MRPL42: variants seen among roughly 807,000 people sequenced by gnomAD.
The protein encoded by MRPL42 is mitochondrial ribosomal protein L42, also known as large ribosomal subunit protein mL42.
A neutral mutation model predicts 17.9 loss-of-function variants in MRPL42; 17 were observed. The ratio of observed to expected loss-of-function variants is 0.95; its 90% confidence interval spans 0.65 to 1.42. The LOEUF (loss-of-function observed/expected upper bound fraction) is 1.42, where lower values mean the gene tolerates loss of function less well. Among genes scored for constraint, MRPL42 ranks in the 40% most tolerant of loss-of-function variants. The probability of loss-of-function intolerance (pLI) is 0.00; values close to 1 mark genes in which losing one functional copy is unlikely to be tolerated. For missense variants in MRPL42, 177 were observed against 175.2 expected, an observed-to-expected ratio of 1.01 and a Z score of -0.06; for synonymous variants, 59 against 54.4, an observed-to-expected ratio of 1.08 and a Z score of -0.37.
rs1190234507 is a variant in MRPL42, at chr12:93,505,285, G to A, written c.*4064G>A. On this transcript the variant is annotated 3_prime_UTR_variant, in exon 6 of 6. Coordinates refer to ENST00000549982, the MANE Select transcript of MRPL42 (RefSeq NM_014050.4). The stretch of plus-strand genomic sequence containing the variant: ...AATTTTTAAGAAAAAAAGATATAAT[G>A]TGCCATCATTTTGGATGGTTCTGGG... 6.6e-6 allele frequency: 1 copy of A among 152,150 alleles called. No individual in the cohort carries two copies. The highest frequency in any genetic ancestry group is 1.9e-4 in the East Asian group (1 of 5,192). 9.4% of individuals were successfully genotyped at this position (152,150 alleles called of 1,614,324 possible). A position where few individuals can be genotyped will look rare whatever the true frequency, so the allele number is the denominator to read the frequency against.
At position 93,501,159 on chromosome 12, in the gene MRPL42, A is replaced by G. The variant is rs772650721; in HGVS notation, c.384-17A>G. 1 of 1,567,542 alleles carries G rather than the reference A, an allele frequency of 6.4e-7. No individual in the cohort carries two copies. Among genetic ancestry groups the G allele is most frequent in the South Asian group, 1.2e-5 (1 of 84,050 alleles). On this transcript the variant is annotated splice_polypyrimidine_tract_variant and intron_variant, in intron 5 of 5. Coordinates refer to ENST00000549982, the MANE Select transcript of MRPL42 (RefSeq NM_014050.4). ...TTATTAAAATCATCTTATTCCAAGT[A>G]TTTTCTTCTTTTCAAGGTATCACAG... is the stretch of plus-strand genomic sequence containing the variant.
At position 93,501,695 on chromosome 12, in the gene MRPL42, T is replaced by G. The variant is rs1043925747; in HGVS notation, c.*474T>G. The stretch of plus-strand genomic sequence containing the variant: ...ATGATAAGTTGAGAAACATCTCTTT[T>G]TGTGTGTCTACTGTGATTTAAGTAT... On this transcript the variant is annotated 3_prime_UTR_variant, in exon 6 of 6. Transcript: ENST00000549982. 5 of 152,272 alleles carry G rather than the reference T, an allele frequency of 3.3e-5. No individual in the cohort carries two copies. The highest frequency in any genetic ancestry group is 1.2e-4 in the African/African-American group (5 of 41,456). 9.4% of individuals were successfully genotyped at this position (152,272 alleles called of 1,614,324 possible).
intron 5 of MRPL42, among the ~76,000 whole-genome samples, chr12:93,500,517 T>G (rs1003003317): frequency 6.6e-6 from 1 of 152,190 alleles, no homozygotes; most frequent in South Asian, 2.1e-4. Context: ...TCCACAGACA[T>G]ATTACTAGTT....
At position 93,504,322 on chromosome 12, in the gene MRPL42, G is replaced by A. The variant is rs1953641701; in HGVS notation, c.*3101G>A. The A allele has an allele frequency of 6.6e-6, 1 of 152,552 alleles. No homozygotes were observed. The highest frequency in any genetic ancestry group is 2.4e-5 in the African/African-American group (1 of 41,400). 9.4% of individuals were successfully genotyped at this position (152,552 alleles called of 1,614,324 possible). A position where few individuals can be genotyped will look rare whatever the true frequency, so the allele number is the denominator to read the frequency against. The stretch of plus-strand genomic sequence containing the variant: ...ATACTCAGGTAATTTTGCATTTTTA[G>A]TAGAGACAGGGTTTCACCATGTTGG... On this transcript the variant is annotated 3_prime_UTR_variant, in exon 6 of 6. Coordinates refer to ENST00000549982, the MANE Select transcript of MRPL42 (RefSeq NM_014050.4).
chr12:93,501,041 G>T (rs1252894045), intron 5 of MRPL42, 135 bp from the exon 6 acceptor site: 9 of 637,336 alleles, frequency 1.4e-5, no homozygotes, highest in Non-Finnish European at 2.3e-5. Context: ...TTATTACTAA[G>T]AAATGGCTGA....
Position 93,475,153 on chromosome 12 carries a change from C to T in MRPL42, c.71-1801C>T, listed in dbSNP as rs576136623. On this transcript the variant is annotated intron_variant, in intron 2 of 5. Transcript: ENST00000549982. ...TTTTTTTGAGATGAAGTCTCACTCTCGCCCAGGCTGGAGTGCAATGGCACG... is the reference window on the plus strand; with the variant it reads ...TTTTTTTGAGATGAAGTCTCACTCTTGCCCAGGCTGGAGTGCAATGGCACG... Among the ~76,000 whole-genome samples the T allele has an allele frequency of 1.5e-4, 23 of 150,572 alleles. 2 individuals are homozygous for T. In the South Asian group the frequency reaches 2.9e-3, roughly 19 times the overall value.
intron 2 of MRPL42, chr12:93,470,355 A>T: frequency 1.2e-6 from 1 of 806,668 alleles, no homozygotes; most frequent in Non-Finnish European, 1.6e-6. Context: ...AACAGAGTTT[A>T]TAGCTCTTAT....
In MRPL42 at chr12:93,469,320, A is replaced by T. The variant is rs1879786976; in HGVS notation, c.35A>T (p.Lys12Met). The T allele has an allele frequency of 1.2e-6, 2 of 1,611,984 alleles. No individual in the cohort carries two copies. Among genetic ancestry groups the T allele is most frequent in the African/African-American group, 1.3e-5 (1 of 74,844 alleles). Residue 12 changes from lysine to methionine, a missense_variant, in exon 2 of 6, where the codon AAG (lysine) becomes ATG (methionine). Lys to Met is a moderately conservative substitution (Grantham distance 95). Transcript: ENST00000549982. ...GCTGCAGTAAAATGGGTGATGTCAA[A>T]GAGAACTATCTTGAAACATTTATTT... The part of the protein sequence containing the change: ...AVAAVKWVMS[K>M]RTILKHLFPV...
At position 93,487,543 on chromosome 12, in the gene MRPL42, A is replaced by G; in HGVS notation, c.266A>G (p.Asp89Gly). 6.2e-7 allele frequency: 1 copy of G among 1,613,998 alleles called. No homozygotes were observed. The highest frequency in any genetic ancestry group is 8.5e-7 in the Non-Finnish European group (1 of 1,179,876). The change falls in exon 5 of 6, where the codon GAT (aspartate) becomes GGT (glycine). Residue 89 changes from aspartate to glycine, a missense_variant. Asp to Gly is a moderately conservative substitution (Grantham distance 94). Transcript: ENST00000549982. ...GTGCATAATAATGAAGAAACACATG[A>G]TCAAGTGCTGAAAACCAGATTGGAA... ...DPVHNNEETH[D>G]QVLKTRLEEK...
At chr12:93,482,804 T>C (rs1486246950) in intron 4 of MRPL42, among the ~76,000 whole-genome samples, 3 of 152,120 alleles carry the variant, frequency 2.0e-5, no homozygotes, top group Non-Finnish European at 4.4e-5. Context: ...CAAACTGATC[T>C]TGAATTCCTG....
intron 4 of MRPL42, among the ~76,000 whole-genome samples, chr12:93,484,338 C>A (rs1880603504): frequency 6.6e-6 from 1 of 152,086 alleles, no homozygotes; most frequent in South Asian, 2.1e-4. Flanking sequence ...GCTGGAATTA[C>A]AGCCATGAGC....
chr12:93,487,844 T>C, intron 5 of MRPL42, 184 bp downstream of exon 5: 1 of 500,436 alleles, frequency 2.0e-6, no homozygotes, highest in Non-Finnish European at 3.4e-6. Flanking sequence ...TCACCCAGGC[T>C]GGAGTGCAGT....
chr12:93,495,180 T>C (rs758276333), intron 5 of MRPL42, among the ~76,000 whole-genome samples: 51 of 152,192 alleles, frequency 3.4e-4, no homozygotes, highest in Admixed American at 3.3e-4. Flanking sequence ...TCAAATTGTC[T>C]GTGAGCCTAA....
intron 5 of MRPL42, among the ~76,000 whole-genome samples, chr12:93,497,836 C>T (rs7300343): frequency 0.67 from 99,875 of 149,924 alleles, 33,332 homozygotes; most frequent in Middle Eastern, 0.72. Context: ...AATCCTCAAA[C>T]AGCTTCCTAT....
At chr12:93,478,984 T>C (rs1263404100) in intron 3 of MRPL42, among the ~76,000 whole-genome samples, 1 of 151,000 alleles carries the variant, frequency 6.6e-6, no homozygotes, top group Non-Finnish European at 1.5e-5. Flanking sequence ...CAGGCTGGAG[T>C]GCAGTGGCGT....
chr12:93,513,458 A>G lies in MRPL42; in HGVS notation c.*12237A>G, dbSNP rs1196078132. 6.6e-6 allele frequency: 1 copy of G among 152,134 alleles called. No homozygotes were observed. Among genetic ancestry groups the G allele is most frequent in the Non-Finnish European group, 1.5e-5 (1 of 68,032 alleles). The allele number at this position is 152,134 out of a possible 1,614,324, so 9.4% of individuals were successfully genotyped here. The stretch of plus-strand genomic sequence containing the variant: ...CATCTCGGCCCCCACAAGTGTTGAG[A>G]TGACAGGTGTGAGCCACCTTGCTTG... On this transcript the variant is annotated 3_prime_UTR_variant, in exon 6 of 6. Coordinates refer to ENST00000549982, the MANE Select transcript of MRPL42 (RefSeq NM_014050.4).
chr12:93,470,564 C>G (rs1592763807), intron 2 of MRPL42: 1 of 1,281,274 alleles, frequency 7.8e-7, no homozygotes, highest in Non-Finnish European at 1.0e-6. Context: ...AACCCGTCAC[C>G]CAAATAGTGA....
rs1465730927 is a variant in MRPL42 at position 93,507,022 on chromosome 12, C to G, written c.*5801C>G. On this transcript the variant is annotated 3_prime_UTR_variant, in exon 6 of 6. Transcript: ENST00000549982. ...CCAAGATCACAGATTGTGGCAGAAC[C>G]AACCAATGTCTTTTTTAAACATTAA... 6.6e-6 allele frequency: 1 copy of G among 152,166 alleles called. No homozygotes were observed. The highest frequency in any genetic ancestry group is 1.5e-5 in the Non-Finnish European group (1 of 68,028). The allele number at this position is 152,166 out of a possible 1,614,324, so 9.4% of individuals were successfully genotyped here. A position where few individuals can be genotyped will look rare whatever the true frequency, so the allele number is the denominator to read the frequency against.
At chr12:93,494,375 A>G (rs1422276474) in intron 5 of MRPL42, among the ~76,000 whole-genome samples, 4 of 152,230 alleles carry the variant, frequency 2.6e-5, no homozygotes, top group Admixed American at 2.6e-4. Context: ...GAATGGTGAC[A>G]AATGGTCAAA....
Sources: gnomAD v4.1 joint callset for allele counts (sites outside exome capture counted in the v4.1 genomes callset) on GRCh38, gnomAD v4.1.1 for gene constraint, MANE v1.5 for transcripts, NCBI Gene and HGNC (gene_info 2026-07-23, HGNC 2026-07-21) for gene names.